The following LRP1B variants were observed in gnomAD, a reference collection of about 807,000 sequenced individuals.
LRP1B encodes the protein LDL receptor related protein 1B, also known as low-density lipoprotein receptor-related protein 1B.
Under a neutral mutation model 556.6 loss-of-function variants are expected in LRP1B, and 217 were observed. That is an observed-to-expected ratio of 0.39 (90% CI 0.35 to 0.44). The LOEUF is 0.44. Ranked by LOEUF, LRP1B falls within the 20% of genes least tolerant of loss-of-function variation. LRP1B has a pLI of 1.00. For missense variants in LRP1B, 5,053 were observed against 5,620.8 expected (o/e 0.90, Z 3.23); for synonymous variants, 2,047 against 1,865.8 (o/e 1.10, Z -2.50).
chr2:141,911,372 T>TAAAAGA (rs1157208078), intron 1 of LRP1B, among the ~76,000 whole-genome samples: 1 of 152,184 alleles, frequency 6.6e-6, no homozygotes, highest in Non-Finnish European at 1.5e-5. Context: ...GTCATATAAG[T>TAAAAGA]AAAAGACTCT....
chr2:140,904,427 TAATC>T (rs1393203270), intron 22 of LRP1B, among the ~76,000 whole-genome samples: 3 of 113,392 alleles, frequency 2.6e-5, no homozygotes, highest in Non-Finnish European at 1.8e-5. Flanking sequence ...TATTGTCTAA[TAATC>T]AGTAAATTGA....
chr2:140,702,339 T>C (rs779823971), intron 38 of LRP1B, 47 bp from the exon 39 acceptor site: 1 of 1,606,202 alleles, frequency 6.2e-7, no homozygotes, highest in South Asian at 1.1e-5. Flanking sequence ...TTTGATTGTT[T>C]TATTAAGAAA....
At chr2:140,692,742 G>A (rs541679811) in intron 41 of LRP1B, among the ~76,000 whole-genome samples, 16 of 151,890 alleles carry the variant, frequency 1.1e-4, no homozygotes, top group Admixed American at 5.2e-4. Flanking sequence ...CTAGTGTTTT[G>A]TTTTGTCTTT....
chr2:140,775,315 TTA>T (rs1689454097), intron 33 of LRP1B, among the ~76,000 whole-genome samples: 3 of 152,040 alleles, frequency 2.0e-5, no homozygotes, highest in Non-Finnish European at 2.9e-5. Context: ...CTTCTCTGCT[TTA>T]GTCTACATAC....
intron 3 of LRP1B, among the ~76,000 whole-genome samples, chr2:141,256,008 T>TA (rs888092419): frequency 6.6e-6 from 1 of 151,848 alleles, no homozygotes; most frequent in African/African-American, 2.4e-5. Context: ...CAAAATTCAT[T>TA]AAAAAAATTA....
intron 43 of LRP1B, among the ~76,000 whole-genome samples, chr2:140,543,101 C>T (rs1680196670): frequency 6.6e-6 from 1 of 152,070 alleles, no homozygotes; most frequent in Admixed American, 6.6e-5. Flanking sequence ...TCTAACAAAT[C>T]GTAAAAGCCA....
chr2:140,322,000 A>G lies in LRP1B; in HGVS notation c.12603T>C (p.Tyr4201=). The part of the protein sequence containing the change: ...GATCVCPEGK[Y]LINGTCNDDS... ...CATCATTGCAGGTGCCATTAATCAA[A>G]TATTTTCCTTCTGGACACACACAAG... The change falls in exon 82 of 91, where the codon TAT becomes TAC. Residue 4201 remains tyrosine, a synonymous_variant. Transcript: ENST00000389484. The G allele has an allele frequency of 6.2e-7, 1 of 1,613,188 alleles. No individual in the cohort carries two copies. The highest frequency in any genetic ancestry group is 8.5e-7 in the Non-Finnish European group (1 of 1,179,454).
chr2:141,467,871 C>A (rs1682306274), intron 3 of LRP1B, among the ~76,000 whole-genome samples: 1 of 147,840 alleles, frequency 6.8e-6, no homozygotes, highest in Non-Finnish European at 1.5e-5. Context: ...TACAGTGTAG[C>A]ACATACTATC....
At chr2:141,181,323 T>C (rs1028403963) in intron 7 of LRP1B, among the ~76,000 whole-genome samples, 4 of 151,968 alleles carry the variant, frequency 2.6e-5, no homozygotes, top group African/African-American at 7.2e-5. Flanking sequence ...AAGGAACCCA[T>C]GTCCTCAATG....
chr2:140,957,932 T>C (rs1233069553), intron 18 of LRP1B, among the ~76,000 whole-genome samples: 3 of 151,534 alleles, frequency 2.0e-5, no homozygotes, highest in Non-Finnish European at 4.4e-5. Context: ...AAAAGTCCCC[T>C]TGAAAATAGA....
intron 3 of LRP1B, among the ~76,000 whole-genome samples, chr2:141,372,878 C>T (rs1367735150): frequency 6.6e-6 from 1 of 151,882 alleles, no homozygotes; most frequent in East Asian, 1.9e-4. Flanking sequence ...TCTCCTCTGA[C>T]GTTTGTCATT....
chr2:141,073,652 T>A lies in LRP1B; in HGVS notation c.1014-11379A>T, dbSNP rs149464593. Among the ~76,000 whole-genome samples, 13 of 152,248 alleles carry A rather than the reference T, an allele frequency of 8.5e-5. No individual in the cohort carries two copies. In the East Asian group the frequency reaches 2.1e-3, roughly 25 times the overall value. The stretch of plus-strand genomic sequence containing the variant: ...TCTTTTGGATATCTCATATATAACA[T>A]ACCTAGTATTAAATTCCTGCTCTTT... On this transcript the variant is annotated intron_variant, in intron 7 of 90. Transcript: ENST00000389484.
intron 84 of LRP1B, among the ~76,000 whole-genome samples, chr2:140,277,536 A>T (rs1458392131): frequency 1.3e-5 from 2 of 151,956 alleles, no homozygotes; most frequent in Non-Finnish European, 2.9e-5. Context: ...TCAGTGAGCC[A>T]AGATTGTGAC....
chr2:142,033,320 C>T (rs752881147), intron 1 of LRP1B, among the ~76,000 whole-genome samples: 18 of 151,682 alleles, frequency 1.2e-4, no homozygotes, highest in South Asian at 6.2e-4. Context: ...CCATTCTAGA[C>T]GTCTATCTTT....
chr2:141,275,344 T>G (rs998138456), intron 3 of LRP1B, among the ~76,000 whole-genome samples: 2 of 152,096 alleles, frequency 1.3e-5, no homozygotes, highest in Non-Finnish European at 2.9e-5. Context: ...TGGGGGAGAA[T>G]TCTAAGCAAA....
chr2:140,362,298 C>G (rs7607749), intron 72 of LRP1B, among the ~76,000 whole-genome samples: 3 of 151,576 alleles, frequency 2.0e-5, no homozygotes, highest in Non-Finnish European at 4.4e-5. Flanking sequence ...TTGCAGGTAT[C>G]TCTGCTGTCT....
intron 32 of LRP1B, among the ~76,000 whole-genome samples, chr2:140,781,535 G>A (rs962138903): frequency 2.6e-5 from 4 of 152,106 alleles, no homozygotes; most frequent in Admixed American, 2.6e-4. Context: ...GATTGCAGAT[G>A]ATGGAAAAAT....
chr2:141,774,587 T>A (rs1231881812), intron 2 of LRP1B, among the ~76,000 whole-genome samples: 1 of 152,136 alleles, frequency 6.6e-6, no homozygotes, highest in Non-Finnish European at 1.5e-5. Flanking sequence ...AAACAATACA[T>A]AATAAATATA....
chr2:140,427,644 T>C (rs1242557113), intron 66 of LRP1B, among the ~76,000 whole-genome samples: 1 of 152,126 alleles, frequency 6.6e-6, no homozygotes, highest in Non-Finnish European at 1.5e-5. Flanking sequence ...TATCCAGGCA[T>C]TCTTTTACAC....
Sources: gnomAD v4.1 joint callset for allele counts (sites outside exome capture counted in the v4.1 genomes callset) on GRCh38, gnomAD v4.1.1 for gene constraint, MANE v1.5 for transcripts, NCBI Gene and HGNC (gene_info 2026-07-23, HGNC 2026-07-21) for gene names.